The following VTI1B variants were observed in gnomAD, a reference collection of about 807,000 sequenced individuals.
The protein encoded by VTI1B is vesicle transport through interaction with t-SNAREs 1B.
Under a neutral mutation model 28.6 loss-of-function variants are expected in VTI1B, and 18 were observed. The ratio of observed to expected loss-of-function variants is 0.63; its 90% confidence interval spans 0.43 to 0.93. VTI1B has a LOEUF of 0.93. Among genes scored for constraint, VTI1B ranks in the 40% least tolerant of loss-of-function variants. The pLI is 0.00. For synonymous variants in VTI1B, 100 were observed against 107.9 expected (o/e 0.93, Z 0.46); for missense variants, 283 against 297.0 (o/e 0.95, Z 0.35).
In VTI1B at chr14:67,647,243, T is replaced by C. The variant is rs1234091255; in HGVS notation, c.*4142A>G. On this transcript the variant is annotated 3_prime_UTR_variant, in exon 6 of 6. Coordinates refer to ENST00000554659, the MANE Select transcript of VTI1B (RefSeq NM_006370.3). ...TAAATCATTGCCTAGATCTTCTGTC[T>C]CATGAATTTTTCTTTATCTCCATCT... The C allele has an allele frequency of 2.3e-6, 1 of 443,374 alleles. No individual in the cohort carries two copies. The highest frequency in any genetic ancestry group is 3.6e-5 in the East Asian group (1 of 27,756). 27.5% of individuals were successfully genotyped at this position (443,374 alleles called of 1,614,324 possible).
intron 3 of VTI1B, among the ~76,000 whole-genome samples, chr14:67,659,363 TTA>T (rs2037306857): frequency 6.6e-6 from 1 of 152,038 alleles, no homozygotes; most frequent in African/African-American, 2.4e-5. Context: ...ATTCTAAAAT[TTA>T]TATGAGAGAA....
In VTI1B at chr14:67,656,396, C is replaced by T. The variant is rs200212954; in HGVS notation, c.540+20G>A. ...CTAATTACCCCATACTTGCCCCTTT[C>T]CCTGTCTGCCCAGACTTACTCTACT... On this transcript the variant is annotated intron_variant, in intron 4 of 5. Transcript: ENST00000554659. The T allele has an allele frequency of 1.9e-6, 3 of 1,566,888 alleles. No individual in the cohort carries two copies. Among genetic ancestry groups the T allele is most frequent in the East Asian group, 4.5e-5 (2 of 44,396 alleles).
chr14:67,659,992 T>A lies in VTI1B; in HGVS notation c.175-70A>T. The stretch of plus-strand genomic sequence containing the variant: ...CACTCATTTGGAAATATGCCTAGTT[T>A]GGACTAATCAAACTACTTATTTATT... On this transcript the variant is annotated intron_variant, in intron 2 of 5. Transcript: ENST00000554659. 3 of 1,455,306 alleles carry A rather than the reference T, an allele frequency of 2.1e-6. No homozygotes were observed. In the Admixed American group the frequency reaches 6.3e-5, roughly 30 times the overall value. The allele number at this position is 1,455,306 out of a possible 1,614,324, so 90.1% of individuals were successfully genotyped here. A position where few individuals can be genotyped will look rare whatever the true frequency, so the allele number is the denominator to read the frequency against.
intron 2 of VTI1B, among the ~76,000 whole-genome samples, chr14:67,660,591 C>T (rs180680386): frequency 6.0e-4 from 91 of 152,274 alleles, no homozygotes; most frequent in African/African-American, 2.1e-3. Flanking sequence ...TTCTCCTGCT[C>T]CTCTTTCTGA....
In VTI1B at chr14:67,650,800, A is replaced by G. The variant is rs1278177596; in HGVS notation, c.*585T>C. On this transcript the variant is annotated 3_prime_UTR_variant, in exon 6 of 6. Transcript: ENST00000554659. ...AGGCGAAGACTACAGCTAACCTGGC[A>G]GTAGATGTGATTGCTTCAAGCTTTG... The G allele has an allele frequency of 7.4e-6, 12 of 1,614,064 alleles. No homozygotes were observed. The highest frequency in any genetic ancestry group is 1.0e-5 in the Non-Finnish European group (12 of 1,180,018).
intron 1 of VTI1B, among the ~76,000 whole-genome samples, chr14:67,673,135 GAGTT>G (rs1566819970): frequency 6.6e-6 from 1 of 152,158 alleles, no homozygotes; most frequent in Non-Finnish European, 1.5e-5. Context: ...TTGAGGTCAG[GAGTT>G]AGAGATCAGC....
intron 3 of VTI1B, among the ~76,000 whole-genome samples, chr14:67,657,534 A>C (rs886694292): frequency 1.3e-5 from 2 of 152,096 alleles, no homozygotes; most frequent in African/African-American, 4.8e-5. Flanking sequence ...GGCCAGAATT[A>C]ACAACCACTG....
At chr14:67,668,732 T>G (rs1055845033) in intron 1 of VTI1B, among the ~76,000 whole-genome samples, 1 of 152,182 alleles carries the variant, frequency 6.6e-6, no homozygotes, top group Non-Finnish European at 1.5e-5. Context: ...AGAAACCCCC[T>G]GGAGGGCTGT....
At chr14:67,653,908 G>A (rs1402657929) in intron 4 of VTI1B, among the ~76,000 whole-genome samples, 1 of 152,200 alleles carries the variant, frequency 6.6e-6, no homozygotes, top group Non-Finnish European at 1.5e-5. Flanking sequence ...GTCTGTTACT[G>A]CTTTTGGGAT....
intron 1 of VTI1B, chr14:67,662,902 CAAA>C (rs11437880): frequency 0.019 from 16,334 of 881,114 alleles, no homozygotes; most frequent in Non-Finnish European, 0.02. Context: ...GACTCTGTCT[CAAA>C]AAAAAAAAAA....
At chr14:67,673,434 C>A (rs2037494299) in intron 1 of VTI1B, among the ~76,000 whole-genome samples, 1 of 152,154 alleles carries the variant, frequency 6.6e-6, no homozygotes. Flanking sequence ...TTTAACACTG[C>A]CTCTTAATAG....
At chr14:67,666,178 A>C (rs1360711171) in intron 1 of VTI1B, among the ~76,000 whole-genome samples, 1 of 152,202 alleles carries the variant, frequency 6.6e-6, no homozygotes, top group Non-Finnish European at 1.5e-5. Flanking sequence ...TTCCCTTCCT[A>C]GCTCCTTCCT....
chr14:67,653,618 C>T, intron 4 of VTI1B, 120 bp from the exon 5 acceptor site: 1 of 846,006 alleles, frequency 1.2e-6, no homozygotes, highest in Non-Finnish European at 1.8e-6. Flanking sequence ...AGAAATCAAG[C>T]CAATTTAAAT....
intron 1 of VTI1B, among the ~76,000 whole-genome samples, chr14:67,671,611 T>C (rs1313189489): frequency 6.6e-6 from 1 of 152,186 alleles, no homozygotes; most frequent in Non-Finnish European, 1.5e-5. Context: ...AAAGGCTGGG[T>C]AGACAACAAA....
At chr14:67,653,343 G>A (rs966032575) in intron 5 of VTI1B, 94 bp downstream of exon 5, 15 of 1,050,752 alleles carry the variant, frequency 1.4e-5, no homozygotes, top group Admixed American at 1.2e-4. Flanking sequence ...AACTGCTGAG[G>A]TGCTTTATGA....
At chr14:67,663,142 G>A (rs768722441) in intron 1 of VTI1B, 44 of 1,530,522 alleles carry the variant, frequency 2.9e-5, no homozygotes, top group Non-Finnish European at 7.9e-6. Flanking sequence ...TTCCCATTCT[G>A]TCCCTTTGGT....
chr14:67,670,502 C>T (rs2037452676), intron 1 of VTI1B, among the ~76,000 whole-genome samples: 1 of 152,008 alleles, frequency 6.6e-6, no homozygotes, highest in African/African-American at 2.4e-5. Flanking sequence ...AAGTCCAGCC[C>T]TTTTTATGGT....
intron 1 of VTI1B, 82 bp downstream of exon 1, chr14:67,674,293 G>T: frequency 7.6e-7 from 1 of 1,315,302 alleles, no homozygotes; most frequent in East Asian, 2.7e-5. Context: ...CGCGGGCCCG[G>T]GTCTGGGAGG....
rs35440818 is a variant in VTI1B, at chr14:67,661,529, C to CTT, written c.174+946_174+947dup. On this transcript the variant is annotated intron_variant, in intron 2 of 5. Coordinates refer to ENST00000554659, the MANE Select transcript of VTI1B (RefSeq NM_006370.3). ...AGTAGGTTTAACAAAGAACAGTAAC[C>CTT]TTTTTTTTTTTTTTTTTTTTTTGAG... 3.9e-3 allele frequency among the ~76,000 whole-genome samples: 430 copies of CTT among 110,042 alleles called. 12 individuals are homozygous for CTT. The highest frequency in any genetic ancestry group is 0.039 in the East Asian group (133 of 3,416). 72.2% of individuals were successfully genotyped at this position (110,042 alleles called of 152,430 possible).
Sources: gnomAD v4.1 joint callset for allele counts (sites outside exome capture counted in the v4.1 genomes callset) on GRCh38, gnomAD v4.1.1 for gene constraint, MANE v1.5 for transcripts, NCBI Gene and HGNC (gene_info 2026-07-23, HGNC 2026-07-21) for gene names.